PHF3: variants seen among roughly 807,000 people sequenced by gnomAD.
PHF3 encodes PHD finger protein 3.
In PHF3, 41 loss-of-function variants were observed where a neutral mutation model predicts 178.4. The ratio of observed to expected loss-of-function variants is 0.23; its 90% CI spans 0.18 to 0.30. PHF3 has a LOEUF of 0.30. Among genes scored for constraint, PHF3 ranks in the 10% least tolerant of loss-of-function variants. PHF3 has a pLI of 1.00. For missense variants in PHF3, 2,346 were observed against 2,398.1 expected (o/e 0.98, Z 0.45); for synonymous variants, 842 against 800.5 (o/e 1.05, Z -0.88).
At chr6:63,646,404 AAAC>A (rs775135229) in intron 1 of PHF3, 120 bp from the exon 2 acceptor site, 63 of 558,766 alleles carry the variant, frequency 1.1e-4, no homozygotes, top group Non-Finnish European at 1.4e-4. Flanking sequence ...TTTTTTTTTT[AAAC>A]AACAATTCAG....
intron 2 of PHF3, among the ~76,000 whole-genome samples, chr6:63,650,743 A>G (rs1286922230): frequency 1.3e-5 from 2 of 152,208 alleles, no homozygotes; most frequent in Non-Finnish European, 2.9e-5. Context: ...GTTCTGGAAA[A>G]AAGGTTTGGT....
chr6:63,683,551 T>C (rs1766533424), intron 3 of PHF3, among the ~76,000 whole-genome samples: 1 of 152,090 alleles, frequency 6.6e-6, no homozygotes, highest in South Asian at 2.1e-4. Flanking sequence ...TCTGTGTTGA[T>C]ATCATTTCTT....
chr6:63,644,283 T>C (rs1268317571), intron 1 of PHF3, among the ~76,000 whole-genome samples: 1 of 152,236 alleles, frequency 6.6e-6, no homozygotes, highest in East Asian at 1.9e-4. Flanking sequence ...TGTATTGGAT[T>C]CCAGTATGTT....
chr6:63,698,038 C>A (rs1456288473), intron 6 of PHF3, among the ~76,000 whole-genome samples, 185 bp from the exon 7 acceptor site: 1 of 151,994 alleles, frequency 6.6e-6, no homozygotes, highest in Non-Finnish European at 1.5e-5. Flanking sequence ...AGAGTAGGAC[C>A]AGTTTTTAGT....
intron 1 of PHF3, among the ~76,000 whole-genome samples, chr6:63,640,544 T>C (rs1219391915): frequency 6.6e-6 from 1 of 152,162 alleles, no homozygotes; most frequent in Non-Finnish European, 1.5e-5. Flanking sequence ...ATCCAGTGAG[T>C]TTAACCTTAC....
At chr6:63,697,248 G>T (rs1308672382) in intron 6 of PHF3, among the ~76,000 whole-genome samples, 1 of 152,138 alleles carries the variant, frequency 6.6e-6, no homozygotes, top group African/African-American at 2.4e-5. Flanking sequence ...ATGTAGGTAG[G>T]TTGGATTTGG....
chr6:63,702,530 A>G lies in PHF3; in HGVS notation c.3122A>G (p.Glu1041Gly), dbSNP rs1407088266. ...TAGACCATAGAAATGATTGAGAAAG[A>G]GCAGAGAGAAGTGGAACGACGGCCA... ...NRHTIEMIEK[E>G]QREVERRPIT... is the part of the protein sequence containing the mutation. The change falls in exon 10 of 16, where the codon GAG becomes GGG. Residue 1041 changes from glutamate (E) to glycine (G), a missense_variant. By Grantham distance (98) the Glu-to-Gly change is moderately conservative (BLOSUM62 -2). This residue lies in a region of PHF3 where 45 missense variants were observed against 87.9 expected (regional missense o/e 0.51). Transcript: ENST00000262043. 1 of 1,610,400 alleles carries G rather than the reference A, an allele frequency of 6.2e-7. No individual in the cohort carries two copies. The highest frequency in any genetic ancestry group is 2.2e-5 in the East Asian group (1 of 44,806).
At chr6:63,663,787 C>T (rs750087412) in intron 2 of PHF3, among the ~76,000 whole-genome samples, 15 of 152,128 alleles carry the variant, frequency 9.9e-5, no homozygotes, top group Non-Finnish European at 1.6e-4. Flanking sequence ...GGGACCCAAG[C>T]TCCTTCTACC....
intron 2 of PHF3, among the ~76,000 whole-genome samples, chr6:63,663,365 C>T (rs1416149918): frequency 6.6e-6 from 1 of 152,068 alleles, no homozygotes; most frequent in East Asian, 1.9e-4. Flanking sequence ...TCTGTACCCG[C>T]CAGCTACAGA....
At chr6:63,697,211 G>C (rs1767268966) in intron 6 of PHF3, among the ~76,000 whole-genome samples, 1 of 152,144 alleles carries the variant, frequency 6.6e-6, no homozygotes, top group African/African-American at 2.4e-5. Context: ...TAGTAGGGAA[G>C]GTTGTATGTG....
At chr6:63,706,679 A>G (rs1263346623) in intron 12 of PHF3, 50 bp from the exon 13 acceptor site, 2 of 1,573,168 alleles carry the variant, frequency 1.3e-6, no homozygotes, top group South Asian at 1.1e-5. Flanking sequence ...TAGGTAGGAC[A>G]TTGATTTATT....
In PHF3 at chr6:63,679,321, C is replaced by T. The variant is rs564598708; in HGVS notation, c.245-679C>T. 2.6e-5 allele frequency among the ~76,000 whole-genome samples: 4 copies of T among 152,120 alleles called. No homozygotes were observed. In the South Asian group the frequency reaches 8.3e-4, roughly 32 times the overall value. The stretch of plus-strand genomic sequence containing the variant: ...CCTGAGTCTTTTTACATTCTTTCTC[C>T]ACCCCACAAATTAAATACATGAGTC... On this transcript the variant is annotated intron_variant, in intron 2 of 15. Transcript: ENST00000262043.
At chr6:63,683,274 A>C (rs988171345) in intron 3 of PHF3, among the ~76,000 whole-genome samples, 1 of 151,736 alleles carries the variant, frequency 6.6e-6, no homozygotes, top group Non-Finnish European at 1.5e-5. Flanking sequence ...TTCAGTGATA[A>C]ATGACAAATT....
chr6:63,710,634 A>G (rs1373640088), intron 14 of PHF3, among the ~76,000 whole-genome samples: 1 of 152,174 alleles, frequency 6.6e-6, no homozygotes, highest in Non-Finnish European at 1.5e-5. Flanking sequence ...TACGGTCTAT[A>G]TGTATTTAAG....
chr6:63,684,721 C>T lies in PHF3; in HGVS notation c.999C>T (p.Asp333=). 1 of 1,613,366 alleles carries T rather than the reference C, an allele frequency of 6.2e-7. No individual in the cohort carries two copies. The highest frequency in any genetic ancestry group is 8.5e-7 in the Non-Finnish European group (1 of 1,179,402). Reference sequence around the variant, plus strand: ...CAGTAAAATTATCCCATGAAGATGACCATATTCTTGAGGACGCTGGATCTT... The same window carrying T: ...CAGTAAAATTATCCCATGAAGATGATCATATTCTTGAGGACGCTGGATCTT... ...KETVKLSHED[D]HILEDAGSSD... is the part of the protein sequence containing the mutation. Residue 333 remains aspartate (D), a synonymous_variant, in exon 4 of 16, where the codon GAC becomes GAT. Transcript: ENST00000262043.
In PHF3 at chr6:63,664,298, G is replaced by A. The variant is rs1260407458; in HGVS notation, c.245-15702G>A. ...TTTCCTCCCTAACAAGTGGAACTTGGGAATCAGATAAAGTCCAGTTCTCTG... is the reference window on the plus strand; with the variant it reads ...TTTCCTCCCTAACAAGTGGAACTTGAGAATCAGATAAAGTCCAGTTCTCTG... On this transcript the variant is annotated intron_variant, in intron 2 of 15. Transcript: ENST00000262043. Among the ~76,000 whole-genome samples the A allele has an allele frequency of 3.3e-5, 5 of 152,120 alleles. No individual in the cohort carries two copies. In the East Asian group the frequency reaches 9.6e-4, roughly 29 times the overall value.
At chr6:63,655,900 C>T (rs1055314910) in intron 2 of PHF3, among the ~76,000 whole-genome samples, 1 of 152,228 alleles carries the variant, frequency 6.6e-6, no homozygotes, top group Non-Finnish European at 1.5e-5. Context: ...GCCTTGTCCT[C>T]TCAAAGTTCT....
chr6:63,636,769 C>T (rs1764358684), intron 1 of PHF3: 1 of 152,134 alleles, frequency 6.6e-6, no homozygotes, highest in Admixed American at 6.5e-5. Context: ...AATGAGAAGC[C>T]TAGACTCTTG....
intron 2 of PHF3, among the ~76,000 whole-genome samples, chr6:63,660,189 A>T (rs1056755912): frequency 1.3e-5 from 2 of 152,118 alleles, no homozygotes; most frequent in African/African-American, 4.8e-5. Flanking sequence ...CAATTTAGAC[A>T]GAAAAATAGT....
Sources: gnomAD v4.1 joint callset for allele counts (sites outside exome capture counted in the v4.1 genomes callset) on GRCh38, gnomAD v4.1.1 for gene constraint, gnomAD v4.1.1 regional missense constraint, MANE v1.5 for transcripts, NCBI Gene and HGNC (gene_info 2026-07-23, HGNC 2026-07-21) for gene names.